Variants in MTA3 observed in about 807,000 individuals in gnomAD.
The protein encoded by MTA3 is metastasis-associated protein MTA3.
In MTA3, 34 loss-of-function variants were observed where a neutral mutation model predicts 83.5. That is an observed-to-expected ratio of 0.41 (90% CI 0.31 to 0.54). The LOEUF is 0.54. Ranked by LOEUF, MTA3 falls within the 20% of genes least tolerant of loss-of-function variation. The probability of loss-of-function intolerance (pLI) is 0.33; values close to 1 mark genes in which losing one functional copy is unlikely to be tolerated. For synonymous variants in MTA3, 303 were observed against 252.7 expected, an observed-to-expected ratio of 1.20 and a Z score of -1.89; for missense variants, 761 against 726.4, an observed-to-expected ratio of 1.05 and a Z score of -0.55.
intron 8 of MTA3, 49 bp from the exon 9 acceptor site, chr2:42,682,352 G>T: frequency 7.4e-7 from 1 of 1,358,860 alleles, no homozygotes; most frequent in Non-Finnish European, 1.0e-6. Flanking sequence ...ACATAATGTA[G>T]CATGTTTGCA....
intron 2 of MTA3, among the ~76,000 whole-genome samples, chr2:42,539,577 CTT>C (rs34577240): frequency 2.8e-4 from 27 of 96,644 alleles, no homozygotes; most frequent in Admixed American, 3.6e-4. Flanking sequence ...AATTGTAAAG[CTT>C]TTTTTTTTTT....
At chr2:42,716,304 G>A (rs1191247120) in intron 14 of MTA3, among the ~76,000 whole-genome samples, 1 of 152,120 alleles carries the variant, frequency 6.6e-6, no homozygotes, top group African/African-American at 2.4e-5. Context: ...TATGTGCTTT[G>A]TCTATTTTAA....
chr2:42,531,745 C>T (rs1379103487), intron 2 of MTA3, among the ~76,000 whole-genome samples: 5 of 151,682 alleles, frequency 3.3e-5, no homozygotes, highest in Non-Finnish European at 7.4e-5. Context: ...GCCACTGGGC[C>T]CGGCCAAAAT....
intron 9 of MTA3, 100 bp from the exon 10 acceptor site, chr2:42,695,665 A>C: frequency 2.7e-6 from 1 of 374,044 alleles, no homozygotes; most frequent in Admixed American, 4.9e-5. Flanking sequence ...AAAAAAAGAA[A>C]GTGGTGGTTT....
At chr2:42,639,979 A>G (rs964743923) in intron 4 of MTA3, among the ~76,000 whole-genome samples, 194 bp from the exon 5 acceptor site, 2 of 152,176 alleles carry the variant, frequency 1.3e-5, no homozygotes, top group Admixed American at 6.6e-5. Flanking sequence ...AGAAATGCCT[A>G]TAAAGACAGC....
intron 1 of MTA3, among the ~76,000 whole-genome samples, chr2:42,570,121 A>G (rs770509282): frequency 1.3e-5 from 2 of 152,256 alleles, no homozygotes; most frequent in Non-Finnish European, 1.5e-5. Context: ...CAGAGGACAC[A>G]TGTTTAGCGT....
At chr2:42,696,501 A>G (rs958270977) in intron 10 of MTA3, among the ~76,000 whole-genome samples, 1 of 152,240 alleles carries the variant, frequency 6.6e-6, no homozygotes, top group Admixed American at 6.5e-5. Context: ...ACATATTAGA[A>G]CTGATAAAAA....
chr2:42,602,140 T>C (rs1682654935), intron 3 of MTA3, among the ~76,000 whole-genome samples: 1 of 152,094 alleles, frequency 6.6e-6, no homozygotes, highest in African/African-American at 2.4e-5. Flanking sequence ...TGCCCAGTCC[T>C]AATTTTTGTA....
chr2:42,752,133 G>A (rs1669919789), intron 16 of MTA3: 1 of 469,102 alleles, frequency 2.1e-6, no homozygotes. Context: ...AGCAAGGTTA[G>A]CATGATTCCT....
intron 14 of MTA3, among the ~76,000 whole-genome samples, chr2:42,714,768 C>A (rs1666905446): frequency 6.6e-6 from 1 of 152,180 alleles, no homozygotes; most frequent in South Asian, 2.1e-4. Context: ...CACCTCAGAT[C>A]ATCAGGCATT....
intron 2 of MTA3, among the ~76,000 whole-genome samples, chr2:42,537,259 A>T (rs1676288448): frequency 6.6e-6 from 1 of 152,030 alleles, no homozygotes. Flanking sequence ...AGCTACCTGA[A>T]CTCTTTAAAA....
At chr2:42,727,013 G>A (rs569768264) in intron 16 of MTA3, among the ~76,000 whole-genome samples, 68 of 152,306 alleles carry the variant, frequency 4.5e-4, no homozygotes, top group African/African-American at 1.6e-3. Context: ...GCAACACAGT[G>A]AGACCCCAAC....
intron 2 of MTA3, among the ~76,000 whole-genome samples, chr2:42,516,662 C>T (rs1675158095): frequency 1.3e-5 from 2 of 152,178 alleles, no homozygotes; most frequent in Non-Finnish European, 2.9e-5. Context: ...AAGCCCTGCA[C>T]ACAGTTCAGC....
At chr2:42,579,240 T>G (rs755847111) in intron 3 of MTA3, 40 bp downstream of exon 3, 2 of 1,405,074 alleles carry the variant, frequency 1.4e-6, no homozygotes, top group East Asian at 4.9e-5. Flanking sequence ...GTTTTAAGTC[T>G]TGTGTTTTTT....
chr2:42,556,935 C>A (rs903040293), intron 2 of MTA3, among the ~76,000 whole-genome samples: 14 of 152,146 alleles, frequency 9.2e-5, no homozygotes, highest in African/African-American at 3.1e-4. Context: ...TTTCAGGAGC[C>A]AGCCAAGATC....
chr2:42,617,486 A>T (rs975985332), intron 4 of MTA3, among the ~76,000 whole-genome samples: 2 of 152,190 alleles, frequency 1.3e-5, no homozygotes, highest in Non-Finnish European at 2.9e-5. Context: ...GAGTAGATAG[A>T]TATATAATGG....
At chr2:42,726,591 T>C (rs949655614) in intron 16 of MTA3, among the ~76,000 whole-genome samples, 2 of 152,006 alleles carry the variant, frequency 1.3e-5, no homozygotes, top group African/African-American at 4.8e-5. Context: ...CACCTATGAG[T>C]GAGAACATGC....
chr2:42,571,448 C>T (rs1370087767), intron 2 of MTA3, among the ~76,000 whole-genome samples: 1 of 150,678 alleles, frequency 6.6e-6, no homozygotes, highest in Non-Finnish European at 1.5e-5. Context: ...TTCTGAATTC[C>T]GAATATTCTT....
intron 2 of MTA3, among the ~76,000 whole-genome samples, chr2:42,559,913 C>T (rs555397862): frequency 1.3e-5 from 2 of 150,764 alleles, no homozygotes; most frequent in African/African-American, 4.9e-5. Context: ...AAAAAAAAAA[C>T]TCCATTGGCC....
Sources: gnomAD v4.1 joint callset for allele counts (sites outside exome capture counted in the v4.1 genomes callset) on GRCh38, gnomAD v4.1.1 for gene constraint, MANE v1.5 for transcripts, NCBI Gene and HGNC (gene_info 2026-07-23, HGNC 2026-07-21) for gene names.